The following YY1 variants were observed in gnomAD, a reference collection of about 807,000 sequenced individuals.
YY1 encodes YY1 transcription factor.
YY1 carries 2 observed loss-of-function variants against 35.6 expected under a neutral mutation model. The observed-to-expected ratio is 0.06, with a 90% CI of 0.02 to 0.18. The LOEUF is 0.18. Ranked by LOEUF, YY1 falls within the 10% of genes least tolerant of loss-of-function variation. The pLI is 1.00. For synonymous variants in YY1, 268 were observed against 238.9 expected, an observed-to-expected ratio of 1.12 and a Z score of -1.12; for missense variants, 322 against 573.4, an observed-to-expected ratio of 0.56 and a Z score of 4.48.
At chr14:100,253,545 A>G (rs751806210) in intron 1 of YY1, among the ~76,000 whole-genome samples, 4 of 151,936 alleles carry the variant, frequency 2.6e-5, no homozygotes, top group Admixed American at 1.3e-4. Context: ...AGCCACCCGA[A>G]TAGCAGGGAT....
chr14:100,247,975 T>A (rs939436508), intron 1 of YY1, among the ~76,000 whole-genome samples: 2 of 152,176 alleles, frequency 1.3e-5, no homozygotes, highest in African/African-American at 4.8e-5. Flanking sequence ...TTACAGAGTC[T>A]TACTCTGTTG....
At position 100,277,365 on chromosome 14, in the gene YY1, C is replaced by G. The variant is rs1891337759; in HGVS notation, c.1063-53C>G. The stretch of plus-strand genomic sequence containing the variant: ...AGCAAAGCAGTGAGCTCCTGACTCC[C>G]AGGGTCTGGTCAGAGTTGCTGAGTG... On this transcript the variant is annotated intron_variant, in intron 4 of 4. Transcript: ENST00000262238. This position sits in a 1 kb window ranked among gnomAD's most constrained non-coding sequence, Gnocchi z 5.6. 6.2e-7 allele frequency: 1 copy of G among 1,607,854 alleles called. No homozygotes were observed. The highest frequency in any genetic ancestry group is 8.5e-7 in the Non-Finnish European group (1 of 1,174,486).
At chr14:100,242,717 G>A (rs989936186) in intron 1 of YY1, among the ~76,000 whole-genome samples, 1 of 151,770 alleles carries the variant, frequency 6.6e-6, no homozygotes, top group African/African-American at 2.4e-5. Flanking sequence ...GGCACAGTTT[G>A]GGGTTGTTTT....
chr14:100,276,594 G>A lies in YY1; in HGVS notation c.1008G>A (p.Glu336=). 2 of 1,614,192 alleles carry A rather than the reference G, an allele frequency of 1.2e-6. No homozygotes were observed. Among genetic ancestry groups the A allele is most frequent in the Non-Finnish European group, 1.7e-6 (2 of 1,180,032 alleles). ...CAGAATGTGGCAAAGCTTTTGTTGAGAGTTCAAAACTAAAACGACACCAAC... is the reference window on the plus strand; with the variant it reads ...CAGAATGTGGCAAAGCTTTTGTTGAAAGTTCAAAACTAAAACGACACCAAC... ...VCAECGKAFV[E]SSKLKRHQLV... is the part of the protein sequence containing the mutation. The change falls in exon 4 of 5, where the codon GAG becomes GAA. Residue 336 remains glutamate, a synonymous_variant. Coordinates refer to ENST00000262238, the MANE Select transcript of YY1 (RefSeq NM_003403.5). The surrounding 1 kb of genome is among the most constrained non-coding windows in gnomAD (Gnocchi z 4.1).
At chr14:100,258,042 G>C (rs1891028631) in intron 1 of YY1, among the ~76,000 whole-genome samples, 1 of 151,998 alleles carries the variant, frequency 6.6e-6, no homozygotes, top group Non-Finnish European at 1.5e-5. Context: ...TGAGGTGGGA[G>C]GATTGCTTGA....
chr14:100,268,633 C>T (rs1349771675), intron 2 of YY1, among the ~76,000 whole-genome samples: 1 of 152,184 alleles, frequency 6.6e-6, no homozygotes, highest in Non-Finnish European at 1.5e-5. Context: ...AAATACCTCA[C>T]AACTCTTCAG....
At chr14:100,272,756 C>T (rs149199189) in intron 2 of YY1, among the ~76,000 whole-genome samples, 34 of 151,952 alleles carry the variant, frequency 2.2e-4, no homozygotes, top group African/African-American at 8.0e-4. Context: ...GTGCACCCCT[C>T]GCCAGAGCAG....
intron 1 of YY1, among the ~76,000 whole-genome samples, chr14:100,261,566 C>T (rs1891086860): frequency 6.6e-6 from 1 of 152,168 alleles, no homozygotes; most frequent in Admixed American, 6.5e-5. Flanking sequence ...CAAAACTGAC[C>T]AACCTCCATG....
At chr14:100,244,864 A>G (rs951972409) in intron 1 of YY1, among the ~76,000 whole-genome samples, 21 of 143,708 alleles carry the variant, frequency 1.5e-4, no homozygotes, top group African/African-American at 5.4e-4. Context: ...TGACCTCTTT[A>G]TTTTTTCCTA....
At chr14:100,267,608 C>T (rs933847670) in intron 2 of YY1, among the ~76,000 whole-genome samples, 21 of 152,072 alleles carry the variant, frequency 1.4e-4, no homozygotes, top group African/African-American at 5.1e-4. Context: ...ACTGCAGCCT[C>T]TGCCTCCTGG....
chr14:100,254,939 A>AT (rs1301294348), intron 1 of YY1, among the ~76,000 whole-genome samples: 3 of 29,380 alleles, frequency 1.0e-4, no homozygotes, highest in East Asian at 1.1e-3. Flanking sequence ...ACGCCCAGCT[A>AT]ATTTTTTTTT....
chr14:100,256,026 A>G (rs1891000693), intron 1 of YY1, among the ~76,000 whole-genome samples: 1 of 152,012 alleles, frequency 6.6e-6, no homozygotes, highest in African/African-American at 2.4e-5. Flanking sequence ...AGTCCCACCT[A>G]CTTGGGAGGT....
chr14:100,257,029 C>T (rs1026268774), intron 1 of YY1, among the ~76,000 whole-genome samples: 1 of 152,002 alleles, frequency 6.6e-6, no homozygotes. Context: ...AGTGACCATC[C>T]TGAGGGTTCT....
chr14:100,249,748 G>T (rs1020398231), intron 1 of YY1, among the ~76,000 whole-genome samples: 56 of 141,032 alleles, frequency 4.0e-4, no homozygotes, highest in African/African-American at 1.4e-3. Context: ...GCTACTTACC[G>T]TTTTTTTTTT....
At chr14:100,271,687 G>T (rs541177190) in intron 2 of YY1, among the ~76,000 whole-genome samples, 299 of 145,192 alleles carry the variant, frequency 2.1e-3, no homozygotes, top group Non-Finnish European at 3.3e-3. Flanking sequence ...TTTTTTTTTT[G>T]AAACAAGGTC....
In YY1 at chr14:100,262,193, T is replaced by A. The variant is rs560580514; in HGVS notation, c.680-111T>A. 739 of 1,189,194 alleles carry A rather than the reference T, an allele frequency of 6.2e-4. 1 individual carries two copies. The highest frequency in any genetic ancestry group is 7.8e-4 in the Non-Finnish European group (652 of 832,352). The allele number at this position is 1,189,194 out of a possible 1,614,324, so 73.7% of individuals were successfully genotyped here. A position where few individuals can be genotyped will look rare whatever the true frequency, so the allele number is the denominator to read the frequency against. On this transcript the variant is annotated intron_variant, in intron 1 of 4. Coordinates refer to ENST00000262238, the MANE Select transcript of YY1 (RefSeq NM_003403.5). ...AAAAAAAGGGAGAGGGGAGAACAAA[T>A]TGAGCTGGTGGCTATAAATCACCCC... is the stretch of plus-strand genomic sequence containing the variant.
chr14:100,264,715 C>G (rs1891129246), intron 2 of YY1, among the ~76,000 whole-genome samples: 1 of 152,174 alleles, frequency 6.6e-6, no homozygotes. Context: ...AGGCTAGATT[C>G]ATACAGGCAC....
rs1890682116 is a variant in YY1 at position 100,239,190 on chromosome 14, C to T, written c.-55C>T. 3 of 1,359,766 alleles carry T rather than the reference C, an allele frequency of 2.2e-6. No homozygotes were observed. Among genetic ancestry groups the T allele is most frequent in the African/African-American group, 3.1e-5 (2 of 64,024 alleles). 84.2% of individuals were successfully genotyped at this position (1,359,766 alleles called of 1,614,324 possible). On this transcript the variant is annotated 5_prime_UTR_variant, in exon 1 of 5. Transcript: ENST00000262238. Reference sequence around the variant, plus strand: ...ACGGCCGGCCGCCTCCTCGCCCGCCCGCCCGCAGCCGAGGAGCCGAGGCCG... The same window carrying T: ...ACGGCCGGCCGCCTCCTCGCCCGCCTGCCCGCAGCCGAGGAGCCGAGGCCG...
chr14:100,248,104 C>T (rs1022469432), intron 1 of YY1, among the ~76,000 whole-genome samples: 3 of 129,112 alleles, frequency 2.3e-5, no homozygotes, highest in Non-Finnish European at 5.0e-5. Flanking sequence ...ACCACCACGC[C>T]CGGCTAATTT....
Sources: gnomAD v4.1 joint callset for allele counts (sites outside exome capture counted in the v4.1 genomes callset) on GRCh38, gnomAD v4.1.1 for gene constraint, Gnocchi (gnomAD v3.1) non-coding constraint, MANE v1.5 for transcripts, NCBI Gene and HGNC (gene_info 2026-07-23, HGNC 2026-07-21) for gene names.